The following ANKRD44 variants were observed in gnomAD, a reference collection of about 807,000 sequenced individuals.
ANKRD44 encodes ankyrin repeat domain 44.
In ANKRD44, 35 loss-of-function variants were observed where a neutral mutation model predicts 116.0. The ratio of observed to expected loss-of-function variants is 0.30; its 90% CI spans 0.23 to 0.40. ANKRD44 has a LOEUF of 0.40. Ranked by LOEUF, ANKRD44 falls within the 10% of genes least tolerant of loss-of-function variation. The probability of loss-of-function intolerance (pLI) is 1.00; values close to 1 mark genes in which losing one functional copy is unlikely to be tolerated. For missense variants in ANKRD44, 1,014 were observed against 1,242.6 expected (o/e 0.82, Z 2.77); for synonymous variants, 435 against 461.8 (o/e 0.94, Z 0.74).
intron 16 of ANKRD44, among the ~76,000 whole-genome samples, chr2:197,058,397 CTT>C (rs34959135): frequency 4.2e-5 from 6 of 142,168 alleles, no homozygotes; most frequent in African/African-American, 2.6e-5. Context: ...GGCTGTGAAT[CTT>C]TTTTTTTTTT....
In ANKRD44 at chr2:197,197,565, C is replaced by A. The variant is rs147337836; in HGVS notation, c.28-10459G>T. Among the ~76,000 whole-genome samples, 77 of 152,216 alleles carry A rather than the reference C, an allele frequency of 5.1e-4. 2 individuals are homozygous for A. The South Asian group carries it at 9.3e-3, about 18-fold the overall frequency. On this transcript the variant is annotated intron_variant, in intron 1 of 27. Coordinates refer to ENST00000282272, the MANE Select transcript of ANKRD44 (RefSeq NM_001195144.2). ...GTAGCTCATGCTTGTAATCCCAACA[C>A]TTTGGGAGACCAAGGCAGGCGGATC...
intron 2 of ANKRD44, among the ~76,000 whole-genome samples, chr2:197,161,621 T>G (rs1259831394): frequency 6.6e-6 from 1 of 152,222 alleles, no homozygotes; most frequent in Non-Finnish European, 1.5e-5. Context: ...AATATATATT[T>G]GGATGGTTTG....
chr2:197,306,100 G>T (rs1162252153), intron 1 of ANKRD44, among the ~76,000 whole-genome samples: 1 of 151,886 alleles, frequency 6.6e-6, no homozygotes, highest in Admixed American at 6.5e-5. Flanking sequence ...CCTCAGAGCA[G>T]CTCCTTACTA....
chr2:197,243,910 G>A (rs1314811978), intron 1 of ANKRD44, among the ~76,000 whole-genome samples: 1 of 152,178 alleles, frequency 6.6e-6, no homozygotes, highest in Non-Finnish European at 1.5e-5. Flanking sequence ...TCAAACCATA[G>A]CAAGGAAGGA....
At chr2:197,267,738 G>A (rs943163686) in intron 1 of ANKRD44, among the ~76,000 whole-genome samples, 2 of 152,224 alleles carry the variant, frequency 1.3e-5, no homozygotes, top group African/African-American at 4.8e-5. Context: ...CTAGAGTAGG[G>A]TTGTCCAAGA....
intron 21 of ANKRD44, among the ~76,000 whole-genome samples, chr2:196,974,387 C>T (rs935564805): frequency 1.3e-5 from 2 of 151,774 alleles, no homozygotes; most frequent in African/African-American, 4.8e-5. Context: ...CTGGCCAAAA[C>T]AACATATTCC....
chr2:197,214,185 G>T (rs2081387538), intron 1 of ANKRD44, among the ~76,000 whole-genome samples: 2 of 152,136 alleles, frequency 1.3e-5, no homozygotes, highest in Admixed American at 1.3e-4. Context: ...ATATTAGGGT[G>T]TTGGTTATTA....
At chr2:197,307,539 C>T (rs1464859585) in intron 1 of ANKRD44, among the ~76,000 whole-genome samples, 2 of 104,996 alleles carry the variant, frequency 1.9e-5, no homozygotes, top group Admixed American at 1.3e-4. Context: ...CTCCCAGTTC[C>T]TTTTTTACAG....
At chr2:196,975,653 T>A (rs2075752009) in intron 21 of ANKRD44, among the ~76,000 whole-genome samples, 1 of 148,886 alleles carries the variant, frequency 6.7e-6, no homozygotes. Flanking sequence ...TAGCCAGGTG[T>A]GGTGGCACAC....
chr2:197,124,135 G>T (rs1433691037), intron 6 of ANKRD44, among the ~76,000 whole-genome samples: 1 of 152,036 alleles, frequency 6.6e-6, no homozygotes, highest in African/African-American at 2.4e-5. Flanking sequence ...CATTTCATAT[G>T]CTTCAGCCAA....
rs114722746 is a variant in ANKRD44 at position 197,026,143 on chromosome 2, T to C, written c.1651-876A>G. On this transcript the variant is annotated intron_variant, in intron 16 of 27. Coordinates refer to ENST00000282272, the MANE Select transcript of ANKRD44 (RefSeq NM_001195144.2). ...ATAGATGAGTGCACAATAGTGCATA[T>C]TGTAAGGAAATGCATTCATACAATA... is the stretch of plus-strand genomic sequence containing the variant. Among the ~76,000 whole-genome samples the C allele has an allele frequency of 5.3e-3, 809 of 152,110 alleles. 4 individuals carry two copies. Among genetic ancestry groups the C allele is most frequent in the Middle Eastern group, 0.01 (3 of 288 alleles).
intron 9 of ANKRD44, among the ~76,000 whole-genome samples, chr2:197,110,096 C>T (rs1441896717): frequency 1.3e-5 from 2 of 152,132 alleles, no homozygotes; most frequent in Non-Finnish European, 2.9e-5. Context: ...CCTGCCTCAG[C>T]CTCCTGAGTA....
intron 10 of ANKRD44, among the ~76,000 whole-genome samples, chr2:197,090,325 T>C (rs1431897710): frequency 6.6e-5 from 10 of 152,196 alleles, no homozygotes. Flanking sequence ...TAAAATTAAT[T>C]TCCCTGTCAT....
chr2:197,182,271 G>A (rs1362226606), intron 2 of ANKRD44, among the ~76,000 whole-genome samples: 1 of 152,148 alleles, frequency 6.6e-6, no homozygotes, highest in Non-Finnish European at 1.5e-5. Context: ...CATATTTCCA[G>A]GCCCTGGTAT....
At chr2:197,046,560 T>A (rs1404944638) in intron 16 of ANKRD44, among the ~76,000 whole-genome samples, 1 of 151,656 alleles carries the variant, frequency 6.6e-6, no homozygotes, top group African/African-American at 2.4e-5. Context: ...AGAAACTCTT[T>A]CATTAAAAAG....
intron 8 of ANKRD44, among the ~76,000 whole-genome samples, chr2:197,117,633 G>A (rs2078745030): frequency 1.3e-5 from 2 of 151,926 alleles, no homozygotes; most frequent in East Asian, 1.9e-4. Flanking sequence ...GCCTCCCAAA[G>A]TGCTGGATTA....
chr2:197,014,248 A>G (rs560944399), intron 17 of ANKRD44, among the ~76,000 whole-genome samples: 1 of 152,292 alleles, frequency 6.6e-6, no homozygotes, highest in African/African-American at 2.4e-5. Flanking sequence ...GAGTTTCTTA[A>G]TTTCACTTAG....
At chr2:197,209,160 G>A (rs191945954) in intron 1 of ANKRD44, among the ~76,000 whole-genome samples, 92 of 152,238 alleles carry the variant, frequency 6.0e-4, no homozygotes, top group African/African-American at 1.6e-3. Context: ...TAGTTTCTTC[G>A]AATAGACCAA....
At chr2:197,162,347 C>T (rs1224916771) in intron 2 of ANKRD44, among the ~76,000 whole-genome samples, 2 of 152,210 alleles carry the variant, frequency 1.3e-5, no homozygotes, top group African/African-American at 4.8e-5. Context: ...GACCTTTGGT[C>T]TACCTCTTAT....
Sources: allele counts gnomAD v4.1 joint callset (sites outside exome capture counted in the v4.1 genomes callset), GRCh38; gene constraint gnomAD v4.1.1; transcripts MANE v1.5; gene names NCBI Gene and HGNC (gene_info 2026-07-23, HGNC 2026-07-21).